Variants in RBFOX3 observed in about 807,000 individuals in gnomAD.
RBFOX3 encodes the protein RNA binding protein fox-1 homolog 3.
A neutral mutation model predicts 48.7 loss-of-function variants in RBFOX3; 17 were observed. The observed-to-expected ratio is 0.35, with a 90% confidence interval of 0.24 to 0.52. The LOEUF (loss-of-function observed/expected upper bound fraction) is 0.52. Ranked by LOEUF, RBFOX3 falls within the 20% of genes least tolerant of loss-of-function variation. RBFOX3 has a pLI of 0.94. For synonymous variants in RBFOX3, 212 were observed against 209.5 expected, an observed-to-expected ratio of 1.01 and a Z score of -0.10; for missense variants, 382 against 497.5, an observed-to-expected ratio of 0.77 and a Z score of 2.21.
chr17:79,111,585 G>A lies in RBFOX3; in HGVS notation c.222+3909C>T, dbSNP rs2146853354. Among the ~76,000 whole-genome samples, 1 of 152,328 alleles carries A rather than the reference G, an allele frequency of 6.6e-6. No homozygotes were observed. Among genetic ancestry groups the A allele is most frequent in the South Asian group, 2.1e-4 (1 of 4,830 alleles). On this transcript the variant is annotated intron_variant, in intron 5 of 14. Coordinates refer to ENST00000693108, the MANE Select transcript of RBFOX3 (RefSeq NM_001350451.2). This position sits in a 1 kb window ranked among gnomAD's most constrained non-coding sequence, Gnocchi z 4.2. Reference sequence around the variant, plus strand: ...CGGGCAGCTGGGATTACAGGCACGAGCCACCATGCCCGATTAATTTTTGTA... The same window carrying A: ...CGGGCAGCTGGGATTACAGGCACGAACCACCATGCCCGATTAATTTTTGTA...
intron 4 of RBFOX3, chr17:79,136,545 ATCCT>A (rs2040248771): frequency 6.6e-6 from 1 of 152,426 alleles, no homozygotes; most frequent in African/African-American, 2.4e-5. Flanking sequence ...AAATGGGTCC[ATCCT>A]GTGCTGCTGG....
At position 79,479,963 on chromosome 17, in the gene RBFOX3, G is replaced by A. The variant is rs2149471901; in HGVS notation, c.-175+2491C>T. On this transcript the variant is annotated intron_variant, in intron 2 of 14. Transcript: ENST00000693108. This position sits in a 1 kb window ranked among gnomAD's most constrained non-coding sequence, Gnocchi z 5.1. ...AGGGGGTCTCTCGTCCTGCACTGAG[G>A]CCAGCCCCAAACCTCGTGCCCTATA... Among the ~76,000 whole-genome samples, 1 of 152,246 alleles carries A rather than the reference G, an allele frequency of 6.6e-6. No individual in the cohort carries two copies. The highest frequency in any genetic ancestry group is 2.1e-4 in the South Asian group (1 of 4,826).
chr17:79,202,363 G>A (rs1218652299), intron 4 of RBFOX3, among the ~76,000 whole-genome samples: 1 of 152,122 alleles, frequency 6.6e-6, no homozygotes, highest in East Asian at 1.9e-4. Flanking sequence ...AGATGACTCT[G>A]TTTCCCCAGC....
At chr17:79,513,294 A>G (rs561983897) in intron 1 of RBFOX3, among the ~76,000 whole-genome samples, 5,326 of 152,282 alleles carry the variant, frequency 0.035, 136 homozygotes, top group Non-Finnish European at 0.059. Flanking sequence ...ACCATTGGGC[A>G]CGGTCCCATG....
At chr17:79,216,826 C>G (rs1320585968) in intron 4 of RBFOX3, among the ~76,000 whole-genome samples, 1 of 115,454 alleles carries the variant, frequency 8.7e-6, no homozygotes, top group African/African-American at 2.8e-5. Context: ...CAGGGTCATG[C>G]AGCTGCCAAG....
the RBFOX3 span, among the ~76,000 whole-genome samples, chr17:79,635,565 G>A: frequency 6.6e-6 from 1 of 151,932 alleles, no homozygotes; most frequent in Non-Finnish European, 1.5e-5. Flanking sequence ...TAAATGCTGT[G>A]TAAAACATAG....
chr17:79,209,831 A>T (rs2058111858), intron 4 of RBFOX3, among the ~76,000 whole-genome samples: 1 of 151,714 alleles, frequency 6.6e-6, no homozygotes, highest in South Asian at 2.1e-4. Context: ...GTCTCTACTA[A>T]ACAAAAACAC....
intron 2 of RBFOX3, among the ~76,000 whole-genome samples, chr17:79,400,391 T>C (rs2062640760): frequency 6.6e-6 from 1 of 152,196 alleles, no homozygotes; most frequent in African/African-American, 2.4e-5. Context: ...TTTTCCTGTA[T>C]GTGTCTTCAC....
At position 79,363,536 on chromosome 17, in the gene RBFOX3, A is replaced by T. The variant is rs1356981433; in HGVS notation, c.-174-55712T>A. On this transcript the variant is annotated intron_variant, in intron 2 of 14. Transcript: ENST00000693108. The surrounding 1 kb of genome is among the most constrained non-coding windows in gnomAD (Gnocchi z 4.7). Reference sequence around the variant, plus strand: ...TATCTCAGATCTTCTGAGGATGCCCAACACAAGGCTCAATTCCCCTTCCTG... The same window carrying T: ...TATCTCAGATCTTCTGAGGATGCCCTACACAAGGCTCAATTCCCCTTCCTG... Among the ~76,000 whole-genome samples, 2 of 152,034 alleles carry T rather than the reference A, an allele frequency of 1.3e-5. No homozygotes were observed. The highest frequency in any genetic ancestry group is 1.3e-4 in the Admixed American group (2 of 15,290).
At position 79,482,035 on chromosome 17, in the gene RBFOX3, G is replaced by A. The variant is rs1205226120; in HGVS notation, c.-175+419C>T. On this transcript the variant is annotated intron_variant, in intron 2 of 14. Coordinates refer to ENST00000693108, the MANE Select transcript of RBFOX3 (RefSeq NM_001350451.2). The surrounding 1 kb of genome is among the most constrained non-coding windows in gnomAD (Gnocchi z 4.1). The stretch of plus-strand genomic sequence containing the variant: ...CATGCCGTCCCCTCTAGAGCCACAG[G>A]AAGGCTTCAGGGCCCTCCCTGAGCC... Among the ~76,000 whole-genome samples, 1 of 152,130 alleles carries A rather than the reference G, an allele frequency of 6.6e-6. No homozygotes were observed. The highest frequency in any genetic ancestry group is 1.5e-5 in the Non-Finnish European group (1 of 68,024).
At chr17:79,438,304 C>T (rs1263888117) in intron 2 of RBFOX3, among the ~76,000 whole-genome samples, 2 of 152,228 alleles carry the variant, frequency 1.3e-5, no homozygotes, top group African/African-American at 4.8e-5. Flanking sequence ...TATCCTACTC[C>T]CTCTTGCCCA....
chr17:79,595,171 T>A (rs1400999831), intron 1 of RBFOX3, among the ~76,000 whole-genome samples: 2 of 151,902 alleles, frequency 1.3e-5, no homozygotes, highest in African/African-American at 4.8e-5. Context: ...CGAGCCACTT[T>A]CCAGGTGTGC....
At chr17:79,518,798 G>T (rs2085631335) in intron 1 of RBFOX3, among the ~76,000 whole-genome samples, 1 of 152,276 alleles carries the variant, frequency 6.6e-6, no homozygotes, top group South Asian at 2.1e-4. Flanking sequence ...AGGAAGGAAA[G>T]CCGCAGAGTG....
At chr17:79,167,824 A>C (rs975840344) in intron 4 of RBFOX3, among the ~76,000 whole-genome samples, 4 of 152,204 alleles carry the variant, frequency 2.6e-5, no homozygotes, top group Non-Finnish European at 5.9e-5. Flanking sequence ...GGACCCTGGA[A>C]GCTGCCTCTC....
At chr17:79,453,954 G>A (rs1400827071) in intron 2 of RBFOX3, among the ~76,000 whole-genome samples, 4 of 152,176 alleles carry the variant, frequency 2.6e-5, no homozygotes, top group Non-Finnish European at 4.4e-5. Context: ...TGGACAGCAG[G>A]CCATGACCTG....
In RBFOX3 at chr17:79,109,326, T is replaced by G. The variant is rs1237359544; in HGVS notation, c.223-2538A>C. 2.0e-5 allele frequency among the ~76,000 whole-genome samples: 3 copies of G among 152,134 alleles called. No homozygotes were observed. In the East Asian group the frequency reaches 5.8e-4, roughly 29 times the overall value. On this transcript the variant is annotated intron_variant, in intron 5 of 14. Transcript: ENST00000693108. Reference sequence around the variant, plus strand: ...CAGCTGGCAGGGCCAGGAGGGTGGATGACAGGCCTCCGGAGACTCCTGGTC... The same window carrying G: ...CAGCTGGCAGGGCCAGGAGGGTGGAGGACAGGCCTCCGGAGACTCCTGGTC...
chr17:79,295,548 C>T (rs992500420), intron 3 of RBFOX3, among the ~76,000 whole-genome samples: 5 of 152,182 alleles, frequency 3.3e-5, no homozygotes, highest in African/African-American at 1.2e-4. Flanking sequence ...TGAGCAATGC[C>T]TGACTCAGGG....
intron 4 of RBFOX3, among the ~76,000 whole-genome samples, chr17:79,119,010 A>AGAAAAT (rs1568165979): frequency 0.017 from 1,959 of 116,328 alleles, 55 homozygotes; most frequent in East Asian, 0.11. Context: ...AAATAAAATA[A>AGAAAAT]AAAAGAAAGC....
rs2077912889 is a variant in RBFOX3, at chr17:79,477,100, G to GCA, written c.-175+5353_-175+5354insTG. On this transcript the variant is annotated intron_variant, in intron 2 of 14. Transcript: ENST00000693108. The surrounding 1 kb of genome is among the most constrained non-coding windows in gnomAD (Gnocchi z 4.8). ...ATACAAAAATTAGCCAGGCGTGGTGGTGGGCGCCTGTAATCCCAGTTACTC... is the reference window on the plus strand; with the variant it reads ...ATACAAAAATTAGCCAGGCGTGGTGGCATGGGCGCCTGTAATCCCAGTTACTC... Among the ~76,000 whole-genome samples, 172 of 151,724 alleles carry GCA rather than the reference G, an allele frequency of 1.1e-3. No individual in the cohort carries two copies. The highest frequency in any genetic ancestry group is 4.1e-3 in the African/African-American group (168 of 41,354).
Sources: gnomAD v4.1 joint callset for allele counts (sites outside exome capture counted in the v4.1 genomes callset) on GRCh38, gnomAD v4.1.1 for gene constraint, Gnocchi (gnomAD v3.1) non-coding constraint, MANE v1.5 for transcripts, NCBI Gene and HGNC (gene_info 2026-07-23, HGNC 2026-07-21) for gene names.